The following TMIGD2 variants were observed in gnomAD, a reference collection of about 807,000 sequenced individuals.
The protein encoded by TMIGD2 is transmembrane and immunoglobulin domain-containing protein 2.
In TMIGD2, 18 loss-of-function variants were observed where a neutral mutation model predicts 22.6. The ratio of observed to expected loss-of-function variants is 0.80; its 90% confidence interval spans 0.55 to 1.18. The LOEUF is 1.18. TMIGD2 is among the 50% of genes most tolerant of loss of function. The pLI, the probability that TMIGD2 is intolerant of heterozygous loss-of-function variation, is 0.00. For missense variants in TMIGD2, 361 were observed against 378.2 expected (o/e 0.95, Z 0.38); for synonymous variants, 184 against 154.1 (o/e 1.19, Z -1.44).
intron 1 of TMIGD2, among the ~76,000 whole-genome samples, chr19:4,300,707 G>T (rs958134643): frequency 2.0e-5 from 3 of 152,208 alleles, no homozygotes; most frequent in African/African-American, 7.2e-5. Flanking sequence ...GGAAGGTATT[G>T]GGGGGTAAGA....
At chr19:4,299,304 C>T (rs765628571) in intron 1 of TMIGD2, among the ~76,000 whole-genome samples, 27 of 151,764 alleles carry the variant, frequency 1.8e-4, no homozygotes, top group Non-Finnish European at 3.4e-4. Context: ...AACCACTATG[C>T]CTGGCTAATT....
rs534724558 is a variant in TMIGD2, at chr19:4,300,297, G to A, written c.47-1952C>T. On this transcript the variant is annotated intron_variant, in intron 1 of 4. Coordinates refer to ENST00000301272, the Ensembl canonical transcript of TMIGD2. ...AACAAGGCCGGGTGCAGTGGCTCAC[G>A]CCTATAATCCCAGCACTTTGGGAGG... 1.7e-3 allele frequency among the ~76,000 whole-genome samples: 257 copies of A among 149,944 alleles called. 1 individual carries two copies. Among genetic ancestry groups the A allele is most frequent in the African/African-American group, 6.1e-3 (246 of 40,480 alleles).
chr19:4,300,427 T>C (rs1429459911), intron 1 of TMIGD2, among the ~76,000 whole-genome samples: 1 of 142,530 alleles, frequency 7.0e-6, no homozygotes, highest in Admixed American at 7.0e-5. Flanking sequence ...TGTGGTGGCA[T>C]GTACCCGTAG....
At chr19:4,299,394 G>T (rs7251667) in intron 1 of TMIGD2, among the ~76,000 whole-genome samples, 1 of 151,458 alleles carries the variant, frequency 6.6e-6, no homozygotes, top group African/African-American at 2.4e-5. Context: ...GATCCTCCCC[G>T]CTAACGCCTC....
exon 5 of TMIGD2, chr19:4,292,543 C>A (rs776247956): frequency 3.9e-6 from 6 of 1,540,338 alleles, no homozygotes; most frequent in Admixed American, 1.7e-5. Context: ...GGCCTCGATC[C>A]CCCCTTTTTT....
chr19:4,292,686 G>C, exon 5 of TMIGD2: 1 of 1,603,782 alleles, frequency 6.2e-7, no homozygotes, highest in Non-Finnish European at 8.5e-7. Flanking sequence ...TAGAGACGGG[G>C]TGGCCGGGCC....
chr19:4,292,269 A>C (rs1256183758), exon 5 of TMIGD2: 1 of 315,124 alleles, frequency 3.2e-6, no homozygotes, highest in African/African-American at 2.3e-5. Flanking sequence ...CTTGGGGGAA[A>C]GTGGGAGCGA....
intron 1 of TMIGD2, 79 bp from the exon 2 acceptor site, chr19:4,298,424 C>A: frequency 6.8e-7 from 1 of 1,472,122 alleles, no homozygotes; most frequent in Non-Finnish European, 8.9e-7. Context: ...CTAGTGAGCC[C>A]GCAGTCTGGG....
At chr19:4,294,460 T>G in intron 4 of TMIGD2, 119 bp downstream of exon 4, 1 of 947,904 alleles carries the variant, frequency 1.1e-6, no homozygotes, top group South Asian at 1.5e-5. Context: ...GCCAGGCTTC[T>G]CCTCCCTTCA....
exon 4 of TMIGD2, chr19:4,294,660 CCAG>C: frequency 6.3e-7 from 1 of 1,594,520 alleles, no homozygotes; most frequent in Non-Finnish European, 8.5e-7. Context: ...CTTCCCACCC[CCAG>C]CAGCACGAAG....
intron 1 of TMIGD2, among the ~76,000 whole-genome samples, chr19:4,300,946 A>G (rs1971528612): frequency 6.6e-6 from 1 of 151,552 alleles, no homozygotes; most frequent in Non-Finnish European, 1.5e-5. Flanking sequence ...AGCAGGGAAG[A>G]AATAGTCCAA....
At position 4,294,072 on chromosome 19, in the gene TMIGD2, A is replaced by AT. The variant is rs373461638; in HGVS notation, c.562+494dup. Reference sequence around the variant, plus strand: ...ACACCATGCACAGCCTAATTTTTAAATTTTTTTTTTTTTGAGACCGCGTCT... The same window carrying AT: ...ACACCATGCACAGCCTAATTTTTAAATTTTTTTTTTTTTTGAGACCGCGTCT... On this transcript the variant is annotated intron_variant, in intron 4 of 4. Transcript: ENST00000301272. Among the ~76,000 whole-genome samples, 276 of 132,222 alleles carry AT rather than the reference A, an allele frequency of 2.1e-3. 1 individual carries two copies. In the Middle Eastern group the frequency reaches 0.021, roughly 10 times the overall value. 86.7% of individuals were successfully genotyped at this position (132,222 alleles called of 152,430 possible).
At position 4,294,603 on chromosome 19, in the gene TMIGD2, G is replaced by A. The variant is rs779102593; in HGVS notation, c.526C>T (p.Arg176Cys). The change falls in exon 4 of 5, where the codon CGC becomes TGC. Residue 176 changes from arginine to cysteine, a missense_variant. By Grantham distance (180) the Arg-to-Cys change is radical. Coordinates refer to ENST00000301272, the Ensembl canonical transcript of TMIGD2. ...CCTGAGTCCCTTTGCTGGCAGCTGC[G>A]GCGGCCCCAGAACCAGGCACCCCAC... 8.1e-6 allele frequency: 13 copies of A among 1,610,418 alleles called. No homozygotes were observed. Among genetic ancestry groups the A allele is most frequent in the Admixed American group, 3.4e-5 (2 of 59,688 alleles).
intron 4 of TMIGD2, among the ~76,000 whole-genome samples, chr19:4,294,308 G>A (rs1284339584): frequency 6.6e-6 from 1 of 152,090 alleles, no homozygotes; most frequent in Non-Finnish European, 1.5e-5. Context: ...GCCCACCTCG[G>A]CCTCCCAAAA....
chr19:4,297,047 G>C (rs1039103254), intron 2 of TMIGD2, among the ~76,000 whole-genome samples: 1 of 146,322 alleles, frequency 6.8e-6, no homozygotes, highest in Non-Finnish European at 1.5e-5. Context: ...TATCTGGAGG[G>C]TTTCTTCCAA....
At chr19:4,300,299 C>A (rs1328098871) in intron 1 of TMIGD2, among the ~76,000 whole-genome samples, 1 of 150,444 alleles carries the variant, frequency 6.6e-6, no homozygotes, top group Non-Finnish European at 1.5e-5. Flanking sequence ...TGGCTCACGC[C>A]TATAATCCCA....
exon 5 of TMIGD2, chr19:4,292,705 G>A (rs150564984): frequency 0.011 from 17,179 of 1,604,728 alleles, 131 homozygotes; most frequent in Middle Eastern, 0.014. Context: ...CCTGGGGCTG[G>A]GGCAGGGTCT....
exon 3 of TMIGD2, chr19:4,294,815 A>G (rs1012062421): frequency 6.4e-7 from 1 of 1,573,600 alleles, no homozygotes. Flanking sequence ...GTGTGGGGTC[A>G]TCTGCAGAGA....
At chr19:4,298,066 G>T (rs764687467) in exon 2 of TMIGD2, 7 of 1,613,628 alleles carry the variant, frequency 4.3e-6, no homozygotes, top group East Asian at 2.2e-5. Context: ...GCACACGTAC[G>T]CCCCGCTGTG....
Sources: allele counts gnomAD v4.1 joint callset (sites outside exome capture counted in the v4.1 genomes callset), GRCh38; gene constraint gnomAD v4.1.1; transcripts MANE v1.5; gene names NCBI Gene and HGNC (gene_info 2026-07-23, HGNC 2026-07-21).